RBFOX1: variants seen among roughly 807,000 people sequenced by gnomAD.
RBFOX1 encodes RNA binding fox-1 homolog 1, also known as RNA binding protein fox-1 homolog 1.
A neutral mutation model predicts 57.7 loss-of-function variants in RBFOX1; 8 were observed. That is an observed-to-expected ratio of 0.14 (90% CI 0.08 to 0.25). The LOEUF is 0.25. RBFOX1 is among the 10% of genes least tolerant of loss of function. The pLI is 1.00. For missense variants in RBFOX1, 611 were observed against 548.5 expected (o/e 1.11, Z -1.14); for synonymous variants, 326 against 222.4 (o/e 1.47, Z -4.15).
intron 4 of RBFOX1, among the ~76,000 whole-genome samples, chr16:7,394,470 G>T (rs557266550): frequency 6.6e-6 from 1 of 151,956 alleles, no homozygotes; most frequent in African/African-American, 2.4e-5. Flanking sequence ...AGGAAACCTC[G>T]AAAGGGTTGA....
chr16:7,300,169 C>G (rs772270817), intron 4 of RBFOX1, among the ~76,000 whole-genome samples: 18 of 152,304 alleles, frequency 1.2e-4, no homozygotes, highest in Non-Finnish European at 1.9e-4. Context: ...TCACCACCAT[C>G]TATTGTACTG....
rs143958058 is a variant in RBFOX1, at chr16:6,501,264, A to G, written c.-63-153339A>G. On this transcript the variant is annotated intron_variant, in intron 2 of 15. Transcript: ENST00000550418. ...ATCAACTCTTCATTTAGCATTAGGTATATCTCCAAATGCTATCCCTCCCCC... is the reference window on the plus strand; with the variant it reads ...ATCAACTCTTCATTTAGCATTAGGTGTATCTCCAAATGCTATCCCTCCCCC... Among the ~76,000 whole-genome samples the G allele has an allele frequency of 8.5e-3, 1,243 of 145,700 alleles. 11 individuals are homozygous for G. Among genetic ancestry groups the G allele is most frequent in the East Asian group, 0.024 (113 of 4,756 alleles).
chr16:6,621,057 C>T (rs1157179554), intron 2 of RBFOX1, among the ~76,000 whole-genome samples: 2 of 152,220 alleles, frequency 1.3e-5, no homozygotes, highest in Non-Finnish European at 2.9e-5. Context: ...AGGGGACTGC[C>T]AGCAATCCTT....
intron 1 of RBFOX1, among the ~76,000 whole-genome samples, chr16:6,295,817 G>C (rs955019198): frequency 6.6e-6 from 1 of 152,196 alleles, no homozygotes; most frequent in African/African-American, 2.4e-5. Context: ...ACTCCAGAGA[G>C]CGCCGGGAGC....
intron 6 of RBFOX1, among the ~76,000 whole-genome samples, chr16:7,581,009 T>G (rs1000647374): frequency 4.2e-5 from 6 of 141,740 alleles, no homozygotes; most frequent in African/African-American, 1.6e-4. Context: ...GTTGGTGGTG[T>G]CTCCATATAA....
At chr16:6,782,497 T>C (rs1428717923) in intron 3 of RBFOX1, among the ~76,000 whole-genome samples, 1 of 152,158 alleles carries the variant, frequency 6.6e-6, no homozygotes, top group Non-Finnish European at 1.5e-5. Flanking sequence ...TATTTTTTCA[T>C]GGTTCAATCT....
chr16:5,403,194 C>T (rs1596877763), intron 1 of RBFOX1, among the ~76,000 whole-genome samples: 3 of 151,822 alleles, frequency 2.0e-5, no homozygotes, highest in African/African-American at 7.3e-5. Context: ...CTACTAAAAA[C>T]ACAAAATTAG....
intron 2 of RBFOX1, among the ~76,000 whole-genome samples, chr16:6,536,015 A>G (rs1020413554): frequency 6.6e-6 from 1 of 152,186 alleles, no homozygotes; most frequent in Non-Finnish European, 1.5e-5. Context: ...TATCCACAAA[A>G]TGGAGATGTG....
At chr16:6,519,748 C>G (rs1412682193) in intron 2 of RBFOX1, among the ~76,000 whole-genome samples, 1 of 152,148 alleles carries the variant, frequency 6.6e-6, no homozygotes, top group Admixed American at 6.5e-5. Context: ...AATTACCCAC[C>G]ACCTATTGTA....
chr16:7,589,930 TG>T (rs879329045), intron 7 of RBFOX1, among the ~76,000 whole-genome samples: 2,648 of 150,162 alleles, frequency 0.018, 42 homozygotes, highest in South Asian at 0.078. Flanking sequence ...TGTGTGTGTG[TG>T]TGTGTGTGTG....
chr16:6,761,762 C>A (rs1195726517), intron 3 of RBFOX1, among the ~76,000 whole-genome samples: 1 of 151,898 alleles, frequency 6.6e-6, no homozygotes, highest in Non-Finnish European at 1.5e-5. Flanking sequence ...GCCTCGGCCC[C>A]CTAAAGTGCT....
At chr16:5,840,778 G>C (rs778694449) in intron 3 of RBFOX1, among the ~76,000 whole-genome samples, 1 of 152,162 alleles carries the variant, frequency 6.6e-6, no homozygotes, top group East Asian at 1.9e-4. Context: ...TGGGGATGCA[G>C]TGAGTTCCCT....
At chr16:6,656,101 A>T (rs1046720478) in intron 3 of RBFOX1, among the ~76,000 whole-genome samples, 5 of 152,122 alleles carry the variant, frequency 3.3e-5, no homozygotes, top group African/African-American at 1.2e-4. Context: ...TGGTATATGC[A>T]TGTGTGCATT....
chr16:5,265,081 TGTTG>T (rs1345889747), intron 1 of RBFOX1, among the ~76,000 whole-genome samples: 2 of 152,132 alleles, frequency 1.3e-5, no homozygotes, highest in Admixed American at 6.6e-5. Flanking sequence ...AGCAACCTTA[TGTTG>T]GTTCTCAAAT....
At chr16:5,433,881 C>T (rs528872638) in intron 1 of RBFOX1, among the ~76,000 whole-genome samples, 6 of 152,190 alleles carry the variant, frequency 3.9e-5, no homozygotes, top group South Asian at 2.1e-4. Context: ...CGTAGGAGAC[C>T]GAGGACGTTA....
At chr16:6,249,150 T>A (rs764316670) in intron 1 of RBFOX1, among the ~76,000 whole-genome samples, 2 of 152,030 alleles carry the variant, frequency 1.3e-5, no homozygotes, top group Admixed American at 6.6e-5. Flanking sequence ...AAGACTTCCA[T>A]GAGAAGGTAG....
rs139623291 is a variant in RBFOX1, at chr16:5,414,667, A to T, written c.220-52549A>T. Among the ~76,000 whole-genome samples, 392 of 152,238 alleles carry T rather than the reference A, an allele frequency of 2.6e-3. 1 individual carries two copies. Among genetic ancestry groups the T allele is most frequent in the African/African-American group, 9.1e-3 (376 of 41,544 alleles). On this transcript the variant is annotated intron_variant, in intron 1 of 2. Coordinates refer to the RBFOX1 transcript ENST00000585867. ...CAATATTTCCATGTGATTCAATTTT[A>T]TAGTGTCTCCAGGCTTCGGATGCTG...
intron 3 of RBFOX1, among the ~76,000 whole-genome samples, chr16:6,943,146 G>C (rs1403054008): frequency 1.3e-5 from 2 of 152,184 alleles, no homozygotes; most frequent in African/African-American, 2.4e-5. Flanking sequence ...ATACTGGCTT[G>C]CTAATGGCTA....
At chr16:7,277,686 A>G (rs969402223) in intron 4 of RBFOX1, among the ~76,000 whole-genome samples, 4 of 152,184 alleles carry the variant, frequency 2.6e-5, no homozygotes, top group Non-Finnish European at 4.4e-5. Context: ...CAGGGCGGAT[A>G]CCCATCGAAA....
Sources: gnomAD v4.1 joint callset for allele counts (sites outside exome capture counted in the v4.1 genomes callset) on GRCh38, gnomAD v4.1.1 for gene constraint, MANE v1.5 for transcripts, NCBI Gene and HGNC (gene_info 2026-07-23, HGNC 2026-07-21) for gene names.